Variants in MBD5 observed in about 807,000 individuals in gnomAD.
MBD5 encodes the protein methyl-CpG-binding domain protein 5.
A neutral mutation model predicts 117.3 loss-of-function variants in MBD5; 13 were observed. The observed-to-expected ratio is 0.11, with a 90% CI of 0.07 to 0.18. MBD5 has a LOEUF of 0.18. Among genes scored for constraint, MBD5 ranks in the 10% least tolerant of loss-of-function variants. The probability of loss-of-function intolerance (pLI) is 1.00; values close to 1 mark genes in which losing one functional copy is unlikely to be tolerated. For missense variants in MBD5, 1,879 were observed against 2,093.8 expected, an observed-to-expected ratio of 0.90 and a Z score of 2.00; for synonymous variants, 727 against 766.4, an observed-to-expected ratio of 0.95 and a Z score of 0.85.
At chr2:148,135,572 G>T (rs1406536262) in intron 1 of MBD5, among the ~76,000 whole-genome samples, 1 of 152,030 alleles carries the variant, frequency 6.6e-6, no homozygotes, top group East Asian at 1.9e-4. Flanking sequence ...AGCCCCCTAG[G>T]TTTTAGGGCT....
At chr2:148,301,009 G>T (rs921328426) in intron 3 of MBD5, among the ~76,000 whole-genome samples, 4 of 152,196 alleles carry the variant, frequency 2.6e-5, no homozygotes, top group Admixed American at 2.6e-4. Context: ...ATTCTGTGAG[G>T]TGTTTCCTAT....
chr2:148,397,098 C>G (rs1313066026), intron 4 of MBD5, among the ~76,000 whole-genome samples: 1 of 152,088 alleles, frequency 6.6e-6, no homozygotes, highest in Non-Finnish European at 1.5e-5. Flanking sequence ...CAAGTATATA[C>G]CTTTTCTCTC....
chr2:148,247,153 C>G (rs564994512), intron 3 of MBD5, among the ~76,000 whole-genome samples: 1 of 152,166 alleles, frequency 6.6e-6, no homozygotes, highest in Admixed American at 6.5e-5. Context: ...TAATTCTTTT[C>G]CTGTCTCTAT....
chr2:148,405,845 A>ACCAGCACTACAGG (rs1705059724), intron 4 of MBD5, among the ~76,000 whole-genome samples: 1 of 152,120 alleles, frequency 6.6e-6, no homozygotes, highest in African/African-American at 2.4e-5. Flanking sequence ...GTAGCTGGGC[A>ACCAGCACTACAGG]TAGTGGCTCC....
At chr2:148,456,298 CA>C (rs1294619682) in intron 4 of MBD5, among the ~76,000 whole-genome samples, 1 of 152,116 alleles carries the variant, frequency 6.6e-6, no homozygotes, top group East Asian at 1.9e-4. Flanking sequence ...GTGGTCTTTT[CA>C]CTGCAAACTC....
chr2:148,126,613 T>TA (rs1157851736), intron 1 of MBD5, among the ~76,000 whole-genome samples: 2 of 152,172 alleles, frequency 1.3e-5, no homozygotes, highest in African/African-American at 4.8e-5. Flanking sequence ...TGTTTATACT[T>TA]ATATTTTTCA....
In MBD5 at chr2:148,469,096, G is replaced by T. The variant is rs1230879827; in HGVS notation, c.1153G>T (p.Val385Phe). The change falls in exon 8 of 14, where the codon GTC (valine) becomes TTC (phenylalanine). Residue 385 changes from valine to phenylalanine, a missense_variant. This residue lies in a region of MBD5 where 1,666 missense variants were observed against 1,792.2 expected (regional missense o/e 0.93). Coordinates refer to ENST00000642680, the MANE Select transcript of MBD5 (RefSeq NM_001378120.1). The part of the protein sequence containing the change: ...IINPTSFHSN[V>F]HSQVPMMNVS... Reference sequence around the variant, plus strand: ...TAATCCAACCAGTTTCCATTCAAATGTCCACTCTCAGGTACCTATGATGAA... The same window carrying T: ...TAATCCAACCAGTTTCCATTCAAATTTCCACTCTCAGGTACCTATGATGAA... The T allele has an allele frequency of 1.1e-5, 17 of 1,613,864 alleles. No individual in the cohort carries two copies. The highest frequency in any genetic ancestry group is 1.4e-5 in the Non-Finnish European group (17 of 1,179,956).
intron 2 of MBD5, among the ~76,000 whole-genome samples, chr2:148,221,057 C>T (rs1419760532): frequency 6.6e-6 from 1 of 152,098 alleles, no homozygotes; most frequent in Non-Finnish European, 1.5e-5. Context: ...CCTGGCTTAA[C>T]TTAGCATAAT....
chr2:148,323,639 G>A (rs1702353033), intron 3 of MBD5, among the ~76,000 whole-genome samples: 1 of 151,938 alleles, frequency 6.6e-6, no homozygotes, highest in African/African-American at 2.4e-5. Flanking sequence ...CTGCATAAAT[G>A]TCTTCTTTTG....
chr2:148,416,390 G>A (rs1264821269), intron 4 of MBD5, among the ~76,000 whole-genome samples: 1 of 152,108 alleles, frequency 6.6e-6, no homozygotes, highest in African/African-American at 2.4e-5. Context: ...GATGGTGCTA[G>A]CCAAAGCAGT....
chr2:148,470,377 C>G lies in MBD5; in HGVS notation c.2434C>G (p.Pro812Ala), dbSNP rs757489847. Residue 812 changes from proline to alanine, a missense_variant, in exon 8 of 14, where the codon CCT becomes GCT. Coordinates refer to ENST00000642680, the MANE Select transcript of MBD5 (RefSeq NM_001378120.1). ...AGGAAATTCCTTACATCCCAATCCACCTCAGTCAAGAATTTCAACGTCCTC... is the reference window on the plus strand; with the variant it reads ...AGGAAATTCCTTACATCCCAATCCAGCTCAGTCAAGAATTTCAACGTCCTC... ...ALGNSLHPNP[P>A]QSRISTSSTP... The G allele has an allele frequency of 2.5e-6, 4 of 1,613,614 alleles. No homozygotes were observed. The highest frequency in any genetic ancestry group is 3.4e-6 in the Non-Finnish European group (4 of 1,179,708).
At chr2:148,236,592 G>C (rs534890985) in intron 3 of MBD5, among the ~76,000 whole-genome samples, 1 of 152,098 alleles carries the variant, frequency 6.6e-6, no homozygotes, top group Non-Finnish European at 1.5e-5. Flanking sequence ...AGCGAATCAT[G>C]CTGCAAACAG....
At position 148,306,580 on chromosome 2, in the gene MBD5, T is replaced by G. The variant is rs570848529; in HGVS notation, c.-679-35634T>G. On this transcript the variant is annotated intron_variant, in intron 3 of 13. Coordinates refer to ENST00000642680, the MANE Select transcript of MBD5 (RefSeq NM_001378120.1). The stretch of plus-strand genomic sequence containing the variant: ...TTTCGTTTTGTTTACAAAGACATAA[T>G]CTGTAAGATTGCTCTAAGTTATAGA... 3.3e-5 allele frequency among the ~76,000 whole-genome samples: 5 copies of G among 152,300 alleles called. No homozygotes were observed. In the East Asian group the frequency reaches 9.6e-4, roughly 29 times the overall value.
At position 148,308,110 on chromosome 2, in the gene MBD5, A is replaced by G. The variant is rs144133992; in HGVS notation, c.-679-34104A>G. ...AGTGCTGCAGTAAACATATGTGTGC[A>G]TGTGTCCTTATAATAGAGTGATATA... On this transcript the variant is annotated intron_variant, in intron 3 of 13. Transcript: ENST00000642680. Among the ~76,000 whole-genome samples, 772 of 152,292 alleles carry G rather than the reference A, an allele frequency of 5.1e-3. 9 individuals are homozygous for G. The highest frequency in any genetic ancestry group is 0.018 in the African/African-American group (746 of 41,562).
intron 1 of MBD5, among the ~76,000 whole-genome samples, chr2:148,120,518 T>A (rs1469794778): frequency 2.6e-5 from 4 of 152,230 alleles, no homozygotes; most frequent in Non-Finnish European, 5.9e-5. Flanking sequence ...TTTTGGTTAT[T>A]CATAAGTATT....
chr2:148,030,537 CAT>C lies in MBD5; in HGVS notation c.-925+8855_-925+8856del, dbSNP rs991580738. On this transcript the variant is annotated intron_variant, in intron 1 of 13. Coordinates refer to ENST00000642680, the MANE Select transcript of MBD5 (RefSeq NM_001378120.1). ...TTTTATACTATTTATACCATAAAGA[CAT>C]AAAGTATATGCCATATATATTAGAA... Among the ~76,000 whole-genome samples, 69 of 152,066 alleles carry C rather than the reference CAT, an allele frequency of 4.5e-4. No individual in the cohort carries two copies. The Middle Eastern group carries it at 0.017, about 37-fold the overall frequency.
chr2:148,040,133 G>A (rs1203869215), intron 1 of MBD5, among the ~76,000 whole-genome samples: 1 of 152,072 alleles, frequency 6.6e-6, no homozygotes, highest in Non-Finnish European at 1.5e-5. Context: ...CCTGTGACAT[G>A]CAGTTTACCT....
chr2:148,085,638 G>A (rs1286871765), intron 1 of MBD5, among the ~76,000 whole-genome samples: 1 of 150,654 alleles, frequency 6.6e-6, no homozygotes, highest in East Asian at 1.9e-4. Flanking sequence ...GCAGGAGAAT[G>A]GCATGAACCC....
intron 1 of MBD5, among the ~76,000 whole-genome samples, chr2:148,136,844 C>T (rs1174808219): frequency 6.6e-6 from 1 of 152,032 alleles, no homozygotes; most frequent in Non-Finnish European, 1.5e-5. Flanking sequence ...CTCACTGCAA[C>T]CTCCACCTCC....
Sources: gnomAD v4.1 joint callset for allele counts (sites outside exome capture counted in the v4.1 genomes callset) on GRCh38, gnomAD v4.1.1 for gene constraint, gnomAD v4.1.1 regional missense constraint, MANE v1.5 for transcripts, NCBI Gene and HGNC (gene_info 2026-07-23, HGNC 2026-07-21) for gene names.